The following MAN1C1 variants were observed in gnomAD, a reference collection of about 807,000 sequenced individuals.
The protein encoded by MAN1C1 is mannosidase alpha class 1C member 1.
MAN1C1 carries 49 observed loss-of-function variants against 71.5 expected under a neutral mutation model. That is an observed-to-expected ratio of 0.69 (90% CI 0.54 to 0.87). MAN1C1 has a LOEUF of 0.87. Among genes scored for constraint, MAN1C1 ranks in the 40% least tolerant of loss-of-function variants. The pLI, the probability that MAN1C1 is intolerant of heterozygous loss-of-function variation, is 0.00. For synonymous variants in MAN1C1, 352 were observed against 343.7 expected, an observed-to-expected ratio of 1.02 and a Z score of -0.27; for missense variants, 743 against 835.0, an observed-to-expected ratio of 0.89 and a Z score of 1.36.
At chr1:25,728,588 C>T (rs561422694) in intron 2 of MAN1C1, among the ~76,000 whole-genome samples, 25 of 152,262 alleles carry the variant, frequency 1.6e-4, no homozygotes, top group African/African-American at 5.1e-4. Flanking sequence ...CCTCTGATGA[C>T]TCAGGCACTC....
chr1:25,688,253 G>A (rs1005612435), intron 2 of MAN1C1, among the ~76,000 whole-genome samples: 31 of 152,188 alleles, frequency 2.0e-4, no homozygotes, highest in African/African-American at 7.5e-4. Context: ...ATTCCCATTA[G>A]GAACCTGGCT....
chr1:25,685,634 A>G (rs2046219305), intron 1 of MAN1C1, among the ~76,000 whole-genome samples: 1 of 152,206 alleles, frequency 6.6e-6, no homozygotes, highest in South Asian at 2.1e-4. Flanking sequence ...GCATAGTAAG[A>G]ACTCATGCAT....
chr1:25,644,518 A>ATATATATT lies in MAN1C1; in HGVS notation c.540+26182_540+26183insATATATTT, dbSNP rs61386117. ...GAGACATATATATATATATATATAT[A>ATATATATT]TTTTTTTTTTTTTTTTTTTTTTTTT... On this transcript the variant is annotated intron_variant, in intron 1 of 11. Coordinates refer to ENST00000374332, the MANE Select transcript of MAN1C1 (RefSeq NM_020379.4). 3.1e-3 allele frequency: 126 copies of ATATATATT among 40,298 alleles called. 1 individual carries two copies. Among genetic ancestry groups the ATATATATT allele is most frequent in the African/African-American group, 6.1e-3 (32 of 5,240 alleles). 2.5% of individuals were successfully genotyped at this position (40,298 alleles called of 1,614,324 possible). A position where few individuals can be genotyped will look rare whatever the true frequency, so the allele number is the denominator to read the frequency against.
At chr1:25,762,715 A>T (rs1448143499) in intron 6 of MAN1C1, among the ~76,000 whole-genome samples, 9 of 152,042 alleles carry the variant, frequency 5.9e-5, no homozygotes, top group African/African-American at 2.2e-4. Flanking sequence ...GGCGTGAGCC[A>T]CCATGCCTGG....
At chr1:25,727,549 C>T (rs2046849080) in intron 2 of MAN1C1, among the ~76,000 whole-genome samples, 1 of 152,222 alleles carries the variant, frequency 6.6e-6, no homozygotes, top group South Asian at 2.1e-4. Context: ...GCATTCTCTA[C>T]CCCCATCCCA....
intron 1 of MAN1C1, chr1:25,645,777 T>G (rs901094128): frequency 1.3e-5 from 2 of 152,226 alleles, no homozygotes; most frequent in African/African-American, 4.8e-5. Context: ...CTTCCAGATT[T>G]CCCCGATATC....
chr1:25,772,049 AC>A (rs1572211328), intron 8 of MAN1C1: 5 of 390,698 alleles, frequency 1.3e-5, no homozygotes, highest in Admixed American at 8.6e-5. Flanking sequence ...ACGGGAAGTG[AC>A]CGTCAGTCTG....
rs1183037213 is a variant in MAN1C1, at chr1:25,778,848, C to T, written c.1477+524C>T. ...CACCGGAAAGCCTGAGAGCTTGGTCCTCCCCACCCACCACTCACCACTGAA... is the reference window on the plus strand; with the variant it reads ...CACCGGAAAGCCTGAGAGCTTGGTCTTCCCCACCCACCACTCACCACTGAA... On this transcript the variant is annotated intron_variant, in intron 9 of 11. Coordinates refer to ENST00000374332, the MANE Select transcript of MAN1C1 (RefSeq NM_020379.4). This position sits in a 1 kb window ranked among gnomAD's most constrained non-coding sequence, Gnocchi z 5.5. Among the ~76,000 whole-genome samples, 1 of 152,158 alleles carries T rather than the reference C, an allele frequency of 6.6e-6. No homozygotes were observed. The highest frequency in any genetic ancestry group is 1.9e-4 in the East Asian group (1 of 5,192).
At chr1:25,733,808 A>AT (rs894706442) in intron 2 of MAN1C1, among the ~76,000 whole-genome samples, 7 of 145,202 alleles carry the variant, frequency 4.8e-5, no homozygotes, top group East Asian at 1.9e-4. Context: ...TTTTATTTTT[A>AT]TTTTTTTTTG....
rs146492283 is a variant in MAN1C1 at position 25,628,257 on chromosome 1, G to A, written c.540+9920G>A. ...ATCTCTATTTTACTTTTTAAATATT[G>A]TAAATGATATTCTTTATTTTTATTT... On this transcript the variant is annotated intron_variant, in intron 1 of 11. Transcript: ENST00000374332. 5.0e-3 allele frequency among the ~76,000 whole-genome samples: 765 copies of A among 151,728 alleles called. 3 individuals are homozygous for A. Among genetic ancestry groups the A allele is most frequent in the African/African-American group, 0.018 (733 of 41,392 alleles).
At chr1:25,666,392 G>T (rs2124117360) in intron 1 of MAN1C1, among the ~76,000 whole-genome samples, 1 of 152,248 alleles carries the variant, frequency 6.6e-6, no homozygotes, top group East Asian at 1.9e-4. Context: ...CTCTTAAGTG[G>T]TCCCAGCTAG....
chr1:25,617,753 C>T lies in MAN1C1; in HGVS notation c.-45C>T. 6.6e-7 allele frequency: 1 copy of T among 1,518,884 alleles called. No individual in the cohort carries two copies. Among genetic ancestry groups the T allele is most frequent in the East Asian group, 2.7e-5 (1 of 37,492 alleles). The allele number at this position is 1,518,884 out of a possible 1,614,324, so 94.1% of individuals were successfully genotyped here. A position where few individuals can be genotyped will look rare whatever the true frequency, so the allele number is the denominator to read the frequency against. ...TCCCCTCACCGCGCCCCCGCAGACA[C>T]GTGCCTGGACTCCGAGGGCTTCTGG... On this transcript the variant is annotated 5_prime_UTR_variant, in exon 1 of 12. It adds an upstream start codon to the 5' untranslated region. Transcript: ENST00000374332. This position sits in a 1 kb window ranked among gnomAD's most constrained non-coding sequence, Gnocchi z 5.1.
chr1:25,619,504 T>G lies in MAN1C1; in HGVS notation c.540+1167T>G, dbSNP rs3754165. On this transcript the variant is annotated intron_variant, in intron 1 of 11. Transcript: ENST00000374332. ...TATCCCCTTCTCCTTGTCTGAACCA[T>G]CCTCCCTTCCAGCGCCCACCTCTCT... Among the ~76,000 whole-genome samples the G allele has an allele frequency of 1.5e-4, 23 of 152,256 alleles. No individual in the cohort carries two copies. In the East Asian group the frequency reaches 4.2e-3, roughly 28 times the overall value.
chr1:25,688,062 A>G (rs147551719), intron 2 of MAN1C1, among the ~76,000 whole-genome samples: 4 of 152,186 alleles, frequency 2.6e-5, no homozygotes, highest in Admixed American at 6.5e-5. Flanking sequence ...AATTCATTTA[A>G]CTATCTTGCT....
chr1:25,671,910 T>C (rs1033725866), intron 1 of MAN1C1, among the ~76,000 whole-genome samples: 6 of 152,110 alleles, frequency 3.9e-5, no homozygotes, highest in Admixed American at 6.5e-5. Context: ...AAAGAACCAG[T>C]AGGAGATGGT....
In MAN1C1 at chr1:25,616,896, G is replaced by A. The variant is rs1320416090; in HGVS notation, c.-902G>A. On this transcript the variant is annotated 5_prime_UTR_variant, in exon 1 of 12. Coordinates refer to ENST00000374332, the MANE Select transcript of MAN1C1 (RefSeq NM_020379.4). The surrounding 1 kb of genome is among the most constrained non-coding windows in gnomAD (Gnocchi z 5.6). ...TCGGCGGCAGCGGCCGGTCTGGAGCGGCCGCTGCGAGGAAGACAGCTGCAG... is the reference window on the plus strand; with the variant it reads ...TCGGCGGCAGCGGCCGGTCTGGAGCAGCCGCTGCGAGGAAGACAGCTGCAG... Among the ~76,000 whole-genome samples the A allele has an allele frequency of 6.7e-6, 1 of 149,792 alleles. No individual in the cohort carries two copies. The highest frequency in any genetic ancestry group is 2.1e-4 in the South Asian group (1 of 4,824).
chr1:25,671,370 T>C (rs1367906655), intron 1 of MAN1C1, among the ~76,000 whole-genome samples: 1 of 152,234 alleles, frequency 6.6e-6, no homozygotes, highest in Non-Finnish European at 1.5e-5. Flanking sequence ...CATGAGCCAT[T>C]GTTGTATTGA....
rs1333437654 is a variant in MAN1C1, at chr1:25,779,340, C to G, written c.1477+1016C>G. Among the ~76,000 whole-genome samples, 1 of 152,158 alleles carries G rather than the reference C, an allele frequency of 6.6e-6. No individual in the cohort carries two copies. Among genetic ancestry groups the G allele is most frequent in the East Asian group, 1.9e-4 (1 of 5,184 alleles). On this transcript the variant is annotated intron_variant, in intron 9 of 11. Transcript: ENST00000374332. The surrounding 1 kb of genome is among the most constrained non-coding windows in gnomAD (Gnocchi z 4.6). The stretch of plus-strand genomic sequence containing the variant: ...GGCACAGGGTCCCATGAGAAAGTAC[C>G]TTGGCAGCCACCTTTGGCCAGCAGC...
intron 1 of MAN1C1, among the ~76,000 whole-genome samples, chr1:25,644,199 C>T (rs1442257728): frequency 1.3e-5 from 2 of 152,006 alleles, no homozygotes; most frequent in African/African-American, 4.8e-5. Context: ...AATGGCATTT[C>T]AGGAGAATGT....
Sources: gnomAD v4.1 joint callset for allele counts (sites outside exome capture counted in the v4.1 genomes callset) on GRCh38, gnomAD v4.1.1 for gene constraint, Gnocchi (gnomAD v3.1) non-coding constraint, MANE v1.5 for transcripts, NCBI Gene and HGNC (gene_info 2026-07-23, HGNC 2026-07-21) for gene names.